The following ADK variants were observed in gnomAD, a reference collection of about 807,000 sequenced individuals.
ADK encodes adenosine kinase.
In ADK, 24 loss-of-function variants were observed where a neutral mutation model predicts 44.7. The ratio of observed to expected loss-of-function variants is 0.54; its 90% confidence interval spans 0.39 to 0.76. The LOEUF is 0.76. Ranked by LOEUF, ADK falls within the 30% of genes least tolerant of loss-of-function variation. ADK has a pLI of 0.00. For missense variants in ADK, 321 were observed against 425.1 expected (o/e 0.76, Z 2.15); for synonymous variants, 128 against 142.6 (o/e 0.90, Z 0.73).
intron 7 of ADK, among the ~76,000 whole-genome samples, chr10:74,570,217 A>G (rs925508669): frequency 8.5e-5 from 13 of 152,160 alleles, no homozygotes; most frequent in Middle Eastern, 6.8e-3. Context: ...TGATGCCTCC[A>G]GCTTTGTTCT....
chr10:74,644,529 T>A (rs1276747748), intron 9 of ADK, among the ~76,000 whole-genome samples: 1 of 152,178 alleles, frequency 6.6e-6, no homozygotes, highest in Non-Finnish European at 1.5e-5. Context: ...AGAATTGGTT[T>A]TTTTATTTGT....
In ADK at chr10:74,394,317, AGT is replaced by A; in HGVS notation, c.446+7_446+8del. The A allele has an allele frequency of 6.2e-7, 1 of 1,613,634 alleles. No individual in the cohort carries two copies. Among genetic ancestry groups the A allele is most frequent in the Non-Finnish European group, 8.5e-7 (1 of 1,179,858 alleles). Reference sequence around the variant, plus strand: ...CATGCATCACTGGTGACAACAGGTCAGTGTAATTCCAAGGGAACCACTATACT... The same window carrying A: ...CATGCATCACTGGTGACAACAGGTCAGTAATTCCAAGGGAACCACTATACT... On this transcript the variant is annotated splice_donor_5th_base_variant and intron_variant, in intron 5 of 10. Coordinates refer to ENST00000539909, the MANE Select transcript of ADK (RefSeq NM_006721.4).
chr10:74,558,839 T>G (rs953547032), intron 7 of ADK, among the ~76,000 whole-genome samples: 1 of 152,222 alleles, frequency 6.6e-6, no homozygotes, highest in Non-Finnish European at 1.5e-5. Context: ...CAACCCTGCA[T>G]GCACCTTGAT....
chr10:74,455,216 A>G (rs1437441131), intron 6 of ADK, among the ~76,000 whole-genome samples: 1 of 152,050 alleles, frequency 6.6e-6, no homozygotes, highest in East Asian at 1.9e-4. Flanking sequence ...CTATAAAGAT[A>G]TTTTCGACCT....
At chr10:74,363,817 C>T (rs1336628161) in intron 4 of ADK, among the ~76,000 whole-genome samples, 4 of 152,270 alleles carry the variant, frequency 2.6e-5, no homozygotes, top group East Asian at 1.9e-4. Flanking sequence ...AATGGACCAC[C>T]TGAGGATCTG....
chr10:74,593,638 C>G (rs1851796992), intron 8 of ADK, among the ~76,000 whole-genome samples: 1 of 152,074 alleles, frequency 6.6e-6, no homozygotes, highest in South Asian at 2.1e-4. Flanking sequence ...TGAGATCAAT[C>G]TGGCACTGAC....
At chr10:74,302,059 TAAAGCTTA>T (rs1840053257) in intron 3 of ADK, among the ~76,000 whole-genome samples, 2 of 150,702 alleles carry the variant, frequency 1.3e-5, no homozygotes, top group African/African-American at 4.9e-5. Flanking sequence ...TACCTTTTTT[TAAAGCTTA>T]TTTTTGCTTT....
chr10:74,590,654 A>T (rs1589277149), intron 8 of ADK, among the ~76,000 whole-genome samples: 1 of 152,142 alleles, frequency 6.6e-6, no homozygotes, highest in East Asian at 1.9e-4. Flanking sequence ...TTACCATATT[A>T]TAGTAAATCT....
At chr10:74,371,438 A>G (rs992874959) in intron 4 of ADK, 12 of 621,782 alleles carry the variant, frequency 1.9e-5, no homozygotes, top group East Asian at 2.7e-5. Flanking sequence ...CTACAGATCT[A>G]TTAGAAGTAA....
intron 1 of ADK, among the ~76,000 whole-genome samples, chr10:74,165,411 C>T (rs887486764): frequency 2.6e-5 from 4 of 151,680 alleles, no homozygotes; most frequent in Non-Finnish European, 5.9e-5. Context: ...AGTCTTATAA[C>T]TTACCGTTGC....
intron 4 of ADK, among the ~76,000 whole-genome samples, chr10:74,380,777 T>A (rs184925453): frequency 5.3e-5 from 8 of 152,276 alleles, no homozygotes; most frequent in African/African-American, 1.9e-4. Context: ...CACATTTTTT[T>A]ATTTAGCTAT....
At chr10:74,365,966 C>G (rs1842486273) in intron 4 of ADK, among the ~76,000 whole-genome samples, 1 of 152,148 alleles carries the variant, frequency 6.6e-6, no homozygotes, top group African/African-American at 2.4e-5. Flanking sequence ...TTCCTAATGA[C>G]TAATGATATT....
At chr10:74,368,059 G>A (rs989960305) in intron 4 of ADK, among the ~76,000 whole-genome samples, 8 of 152,170 alleles carry the variant, frequency 5.3e-5, no homozygotes, top group African/African-American at 1.9e-4. Flanking sequence ...TAGAAATTAT[G>A]TATTGGCATT....
chr10:74,375,198 A>G (rs1169184729), intron 4 of ADK, among the ~76,000 whole-genome samples: 1 of 152,180 alleles, frequency 6.6e-6, no homozygotes. Flanking sequence ...TAAAAACTTA[A>G]TTACCAATAT....
chr10:74,441,293 G>A (rs1186172286), intron 6 of ADK, among the ~76,000 whole-genome samples: 1 of 152,142 alleles, frequency 6.6e-6, no homozygotes, highest in African/African-American at 2.4e-5. Context: ...CAAGGATGTG[G>A]AGAACTTGGA....
At chr10:74,294,980 T>A (rs1416517340) in intron 3 of ADK, among the ~76,000 whole-genome samples, 4 of 151,952 alleles carry the variant, frequency 2.6e-5, no homozygotes, top group Non-Finnish European at 5.9e-5. Flanking sequence ...CTCAGCCTCC[T>A]CAGCAGCTAG....
intron 3 of ADK, among the ~76,000 whole-genome samples, chr10:74,283,023 A>G (rs912617108): frequency 2.0e-5 from 3 of 152,188 alleles, no homozygotes; most frequent in Non-Finnish European, 2.9e-5. Context: ...ATAGGTAAAC[A>G]CTAGATTAGC....
chr10:74,393,810 T>G (rs1843418164), intron 4 of ADK, among the ~76,000 whole-genome samples: 2 of 152,292 alleles, frequency 1.3e-5, no homozygotes, highest in Middle Eastern at 3.4e-3. Context: ...GATTCTGCTC[T>G]TTTTATGACA....
chr10:74,286,839 A>T (rs1030797835), intron 3 of ADK, among the ~76,000 whole-genome samples: 1 of 152,174 alleles, frequency 6.6e-6, no homozygotes, highest in Non-Finnish European at 1.5e-5. Context: ...TGAAATAGTT[A>T]ATATTTAAAA....
Sources: allele counts gnomAD v4.1 joint callset (sites outside exome capture counted in the v4.1 genomes callset), GRCh38; gene constraint gnomAD v4.1.1; transcripts MANE v1.5; gene names NCBI Gene and HGNC (gene_info 2026-07-23, HGNC 2026-07-21).